PCGF5: variants seen among roughly 807,000 people sequenced by gnomAD.
PCGF5 encodes polycomb group RING finger protein 5.
Under a neutral mutation model 44.3 loss-of-function variants are expected in PCGF5, and 9 were observed. The ratio of observed to expected loss-of-function variants is 0.20; its 90% CI spans 0.12 to 0.35. PCGF5 has a LOEUF of 0.35. Among genes scored for constraint, PCGF5 ranks in the 10% least tolerant of loss-of-function variants. The pLI, the probability that PCGF5 is intolerant of heterozygous loss-of-function variation, is 1.00. For synonymous variants in PCGF5, 95 were observed against 102.5 expected, an observed-to-expected ratio of 0.93 and a Z score of 0.44; for missense variants, 146 against 305.3, an observed-to-expected ratio of 0.48 and a Z score of 3.89.
chr10:91,222,400 C>A (rs916482314), intron 1 of PCGF5, among the ~76,000 whole-genome samples: 1 of 152,040 alleles, frequency 6.6e-6, no homozygotes, highest in African/African-American at 2.4e-5. Flanking sequence ...AGCAGTCAAG[C>A]AGATAGTTAA....
At chr10:91,202,951 G>A (rs766628689) in intron 1 of PCGF5, among the ~76,000 whole-genome samples, 2 of 152,166 alleles carry the variant, frequency 1.3e-5, no homozygotes, top group Non-Finnish European at 2.9e-5. Flanking sequence ...TTGTGAAAAT[G>A]ACTAAAAACA....
rs1315127076 is a variant in PCGF5, at chr10:91,173,536, C to T, written c.-184+10455C>T. ...AAATAGACCAATTTAATTTGTTTTT[C>T]CTTCCATGGGAATCTTTTATTCTTC... On this transcript the variant is annotated intron_variant, in intron 1 of 9. Coordinates refer to the PCGF5 transcript ENST00000614189. Among the ~76,000 whole-genome samples the T allele has an allele frequency of 2.1e-5, 3 of 144,824 alleles. No homozygotes were observed. In the Admixed American group the frequency reaches 2.1e-4, roughly 10 times the overall value.
At chr10:91,193,732 A>G (rs1316527550) in intron 1 of PCGF5, among the ~76,000 whole-genome samples, 1 of 152,156 alleles carries the variant, frequency 6.6e-6, no homozygotes, top group Non-Finnish European at 1.5e-5. Context: ...TTAAAGGATC[A>G]TGCTTAAACT....
At chr10:91,229,469 A>G (rs1844942669) in intron 2 of PCGF5, among the ~76,000 whole-genome samples, 1 of 152,200 alleles carries the variant, frequency 6.6e-6, no homozygotes, top group South Asian at 2.1e-4. Context: ...CAGAGGTAAG[A>G]CTGAGAGAGG....
chr10:91,163,492 C>A (rs1843432398), intron 1 of PCGF5, among the ~76,000 whole-genome samples: 4 of 152,014 alleles, frequency 2.6e-5, no homozygotes, highest in African/African-American at 9.7e-5. Context: ...CTCGCGGCTT[C>A]CTGATGGGGA....
upstream of PCGF5, chr10:91,162,879 GCGC>G (rs536747418): frequency 1.4e-4 from 21 of 147,478 alleles, no homozygotes; most frequent in Middle Eastern, 3.2e-3. Context: ...GCCGCCGCCA[GCGC>G]CGCCGCCGCC....
intron 1 of PCGF5, among the ~76,000 whole-genome samples, chr10:91,183,753 A>G (rs1008301800): frequency 1.3e-5 from 2 of 152,132 alleles, no homozygotes; most frequent in Non-Finnish European, 2.9e-5. Flanking sequence ...CTTGTAAGGC[A>G]GGTCTGGTGG....
chr10:91,196,290 C>T (rs1459158966), intron 1 of PCGF5, among the ~76,000 whole-genome samples: 1 of 152,162 alleles, frequency 6.6e-6, no homozygotes, highest in East Asian at 1.9e-4. Flanking sequence ...AAAAGTATCT[C>T]CTAAAATTTT....
At chr10:91,172,689 G>A (rs980149694) in intron 1 of PCGF5, among the ~76,000 whole-genome samples, 1 of 152,150 alleles carries the variant, frequency 6.6e-6, no homozygotes, top group South Asian at 2.1e-4. Context: ...TAACTTTTGT[G>A]TTTGCCCCCA....
At chr10:91,229,204 G>A (rs531010369) in intron 2 of PCGF5, among the ~76,000 whole-genome samples, 1 of 152,262 alleles carries the variant, frequency 6.6e-6, no homozygotes, top group Admixed American at 6.5e-5. Context: ...ACATGTGCCA[G>A]TCATCATTCT....
chr10:91,211,714 G>A (rs981335576), intron 1 of PCGF5, among the ~76,000 whole-genome samples: 9 of 152,190 alleles, frequency 5.9e-5, no homozygotes, highest in African/African-American at 2.2e-4. Context: ...AGGAGGGAGA[G>A]CATTCCAGTT....
At position 91,222,172 on chromosome 10, in the gene PCGF5, A is replaced by G. The variant is rs549362765; in HGVS notation, c.-183-517A>G. ...ATAAGAAGACCCAACCAAGTGTCAC[A>G]AAATAAAATGTGCCTCGTAGCAGAA... On this transcript the variant is annotated intron_variant, in intron 1 of 9. Coordinates refer to ENST00000336126, the MANE Select transcript of PCGF5 (RefSeq NM_032373.5). Among the ~76,000 whole-genome samples the G allele has an allele frequency of 2.0e-4, 30 of 152,366 alleles. No homozygotes were observed. In the South Asian group the frequency reaches 6.2e-3, roughly 32 times the overall value.
chr10:91,275,872 T>A (rs983646731), intron 9 of PCGF5, among the ~76,000 whole-genome samples: 4 of 152,114 alleles, frequency 2.6e-5, no homozygotes, highest in Non-Finnish European at 5.9e-5. Context: ...AAGAAATAGA[T>A]CAGTGGGTTA....
intron 2 of PCGF5, among the ~76,000 whole-genome samples, chr10:91,235,912 T>C (rs1000256858): frequency 1.3e-5 from 2 of 152,076 alleles, no homozygotes; most frequent in African/African-American, 4.8e-5. Flanking sequence ...AGGTATGTCT[T>C]TATCAGCAGC....
intron 1 of PCGF5, among the ~76,000 whole-genome samples, chr10:91,167,972 T>C (rs1843529292): frequency 6.6e-6 from 1 of 152,122 alleles, no homozygotes; most frequent in East Asian, 1.9e-4. Flanking sequence ...GTCACTTAAG[T>C]TGATGTTGGC....
At chr10:91,264,561 T>C (rs1338561530) in intron 8 of PCGF5, 41 bp downstream of exon 8, 1 of 1,368,468 alleles carries the variant, frequency 7.3e-7, no homozygotes, top group Non-Finnish European at 1.0e-6. Context: ...TATTTAGTTA[T>C]ATACCATTAT....
chr10:91,234,615 G>A (rs545188142), intron 2 of PCGF5, among the ~76,000 whole-genome samples: 2 of 152,292 alleles, frequency 1.3e-5, no homozygotes, highest in South Asian at 4.2e-4. Context: ...ATCATAGTCT[G>A]ATATTATTCA....
chr10:91,256,101 A>G (rs12257732), intron 6 of PCGF5, among the ~76,000 whole-genome samples: 5,938 of 152,148 alleles, frequency 0.039, 378 homozygotes, highest in African/African-American at 0.13. Flanking sequence ...ACAGGAAAAG[A>G]AGCAGTCAAT....
intron 9 of PCGF5, among the ~76,000 whole-genome samples, chr10:91,274,556 G>A (rs11186524): frequency 0.13 from 19,887 of 152,112 alleles, 2,442 homozygotes; most frequent in African/African-American, 0.32. Flanking sequence ...GTAAAAATGA[G>A]CACAAATCTT....
Sources: allele counts gnomAD v4.1 joint callset (sites outside exome capture counted in the v4.1 genomes callset), GRCh38; gene constraint gnomAD v4.1.1; transcripts MANE v1.5; gene names NCBI Gene and HGNC (gene_info 2026-07-23, HGNC 2026-07-21).